The following MAP2K3 variants were observed in gnomAD, a reference collection of about 807,000 sequenced individuals.
The protein encoded by MAP2K3 is mitogen-activated protein kinase kinase 3.
Under a neutral mutation model 46.4 loss-of-function variants are expected in MAP2K3, and 30 were observed. The observed-to-expected ratio is 0.65, with a 90% confidence interval of 0.48 to 0.88. MAP2K3 has a LOEUF of 0.88. Ranked by LOEUF, MAP2K3 falls within the 40% of genes least tolerant of loss-of-function variation. The pLI, the probability that MAP2K3 is intolerant of heterozygous loss-of-function variation, is 0.00. For missense variants in MAP2K3, 380 were observed against 464.5 expected (o/e 0.82, Z 1.67); for synonymous variants, 189 against 176.3 (o/e 1.07, Z -0.57).
chr17:21,301,831 G>A (rs1173980697), intron 5 of MAP2K3, among the ~76,000 whole-genome samples: 1 of 152,306 alleles, frequency 6.6e-6, no homozygotes, highest in African/African-American at 2.4e-5. Flanking sequence ...TGGAGCTGGT[G>A]CAGGTGCATC....
At chr17:21,303,335 G>T in intron 7 of MAP2K3, 101 bp downstream of exon 7, 1 of 1,511,884 alleles carries the variant, frequency 6.6e-7, no homozygotes, top group Non-Finnish European at 9.0e-7. Flanking sequence ...GCTCCGAGAG[G>T]TGATAGGTTG....
chr17:21,313,322 T>G (rs1977251146), intron 10 of MAP2K3, among the ~76,000 whole-genome samples, 170 bp from the exon 11 acceptor site: 1 of 152,188 alleles, frequency 6.6e-6, no homozygotes, highest in African/African-American at 2.4e-5. Context: ...TTTGCTCCTA[T>G]GAATGCCCCT....
intron 5 of MAP2K3, among the ~76,000 whole-genome samples, chr17:21,301,658 C>T (rs1444434059): frequency 6.6e-6 from 1 of 152,312 alleles, no homozygotes; most frequent in Non-Finnish European, 1.5e-5. Flanking sequence ...GATGGGGCCC[C>T]TGCAGCCTGC....
intron 1 of MAP2K3, among the ~76,000 whole-genome samples, chr17:21,293,503 T>G (rs1242332908): frequency 6.6e-6 from 1 of 152,310 alleles, no homozygotes; most frequent in African/African-American, 2.4e-5. Flanking sequence ...CACCGGATGT[T>G]AGGGGTGCTC....
chr17:21,314,471 A>G lies in MAP2K3; in HGVS notation c.*241A>G. The stretch of plus-strand genomic sequence containing the variant: ...ACCAGTGCCTCTCCCTGCTGCTCCT[A>G]GGACCCGTCTCCAGCTGCTGAGATC... On this transcript the variant is annotated 3_prime_UTR_variant, in exon 12 of 12. Coordinates refer to ENST00000342679, the MANE Select transcript of MAP2K3 (RefSeq NM_145109.3). 1.8e-6 allele frequency: 1 copy of G among 547,536 alleles called. No homozygotes were observed. The highest frequency in any genetic ancestry group is 3.3e-6 in the Non-Finnish European group (1 of 303,524). 33.9% of individuals were successfully genotyped at this position (547,536 alleles called of 1,614,324 possible). A position where few individuals can be genotyped will look rare whatever the true frequency, so the allele number is the denominator to read the frequency against.
chr17:21,296,422 T>C (rs1378887132), intron 1 of MAP2K3, among the ~76,000 whole-genome samples: 2 of 152,310 alleles, frequency 1.3e-5, no homozygotes, highest in African/African-American at 4.8e-5. Context: ...CCTGTTAGAA[T>C]GTGCTGAGCC....
intron 1 of MAP2K3, among the ~76,000 whole-genome samples, chr17:21,290,468 G>C (rs865936138): frequency 6.6e-6 from 1 of 152,310 alleles, no homozygotes; most frequent in African/African-American, 2.4e-5. Flanking sequence ...GGGAAAGTCT[G>C]CAGGGACTTC....
At chr17:21,294,606 CCTCT>C (rs1438394628) in intron 1 of MAP2K3, among the ~76,000 whole-genome samples, 4 of 152,310 alleles carry the variant, frequency 2.6e-5, no homozygotes, top group African/African-American at 9.6e-5. Context: ...CACCGTGTGG[CCTCT>C]CTAAGTCACC....
intron 1 of MAP2K3, chr17:21,291,407 G>A (rs1290413619): frequency 1.8e-5 from 8 of 451,492 alleles, no homozygotes; most frequent in Admixed American, 7.1e-5. Flanking sequence ...CACAGATGGC[G>A]TTTGTTCAGG....
intron 3 of MAP2K3, 84 bp downstream of exon 3, chr17:21,299,010 G>A: frequency 6.3e-7 from 1 of 1,587,320 alleles, no homozygotes. Context: ...CACTTTGGGG[G>A]GAGGTGACTG....
intron 1 of MAP2K3, among the ~76,000 whole-genome samples, chr17:21,294,046 C>A (rs1246305132): frequency 6.6e-6 from 1 of 152,310 alleles, no homozygotes; most frequent in Non-Finnish European, 1.5e-5. Flanking sequence ...AGGTCGCAGC[C>A]AAACACATCC....
In MAP2K3 at chr17:21,296,259, G is replaced by A. The variant is rs920893042; in HGVS notation, c.50-2154G>A. ...CTGTTTTGTACATGAGGAACCCAAG[G>A]TGCAGAGGAGGGCACCATGCCAGGG... On this transcript the variant is annotated intron_variant, in intron 1 of 11. Transcript: ENST00000342679. 45 of 1,169,912 alleles carry A rather than the reference G, an allele frequency of 3.8e-5. No homozygotes were observed. In the East Asian group the frequency reaches 2.5e-3, roughly 64 times the overall value. The allele number at this position is 1,169,912 out of a possible 1,614,324, so 72.5% of individuals were successfully genotyped here. A position where few individuals can be genotyped will look rare whatever the true frequency, so the allele number is the denominator to read the frequency against.
At chr17:21,299,681 C>CAA (rs68190120) in intron 3 of MAP2K3, among the ~76,000 whole-genome samples, 4 of 132,972 alleles carry the variant, frequency 3.0e-5, no homozygotes, top group East Asian at 2.2e-4. Flanking sequence ...GACCCCGTTT[C>CAA]AAAAAAAAAA....
chr17:21,312,129 G>T lies in MAP2K3; in HGVS notation c.775-13G>T, dbSNP rs778437382. 4 of 1,521,962 alleles carry T rather than the reference G, an allele frequency of 2.6e-6. No individual in the cohort carries two copies. The highest frequency in any genetic ancestry group is 3.5e-6 in the Non-Finnish European group (4 of 1,137,716). The allele number at this position is 1,521,962 out of a possible 1,614,324, so 94.3% of individuals were successfully genotyped here. A position where few individuals can be genotyped will look rare whatever the true frequency, so the allele number is the denominator to read the frequency against. Reference sequence around the variant, plus strand: ...CTGGGGCCGGGGCCTCTGACCCCCTGTCCCCGCTGCAGATTGAGATGGCCA... The same window carrying T: ...CTGGGGCCGGGGCCTCTGACCCCCTTTCCCCGCTGCAGATTGAGATGGCCA... On this transcript the variant is annotated splice_polypyrimidine_tract_variant and intron_variant, in intron 9 of 11. Coordinates refer to ENST00000342679, the MANE Select transcript of MAP2K3 (RefSeq NM_145109.3).
intron 1 of MAP2K3, among the ~76,000 whole-genome samples, chr17:21,297,054 G>A (rs1006074714): frequency 1.3e-5 from 2 of 152,310 alleles, no homozygotes; most frequent in Non-Finnish European, 2.9e-5. Context: ...ACCTGCCCCA[G>A]GATGGACCCT....
intron 1 of MAP2K3, among the ~76,000 whole-genome samples, chr17:21,296,771 C>A (rs939934342): frequency 6.6e-6 from 1 of 152,306 alleles, no homozygotes; most frequent in East Asian, 1.9e-4. Context: ...GAGACCCATG[C>A]GGTCCCTGAC....
intron 1 of MAP2K3, among the ~76,000 whole-genome samples, chr17:21,287,329 A>T (rs891710199): frequency 6.6e-6 from 1 of 152,226 alleles, no homozygotes; most frequent in Non-Finnish European, 1.5e-5. Flanking sequence ...CAGATGCAGA[A>T]CTCAGCTTGG....
At chr17:21,306,867 C>T (rs1260891072) in intron 9 of MAP2K3, among the ~76,000 whole-genome samples, 2 of 152,308 alleles carry the variant, frequency 1.3e-5, no homozygotes, top group Non-Finnish European at 2.9e-5. Flanking sequence ...CTCACTGCAG[C>T]CTTGAACTCC....
At chr17:21,303,297 G>A in intron 7 of MAP2K3, 63 bp downstream of exon 7, 7 of 1,609,244 alleles carry the variant, frequency 4.3e-6, no homozygotes, top group Non-Finnish European at 5.1e-6. Flanking sequence ...GGCCAAGGCG[G>A]GTGGACGTCT....
Sources: allele counts gnomAD v4.1 joint callset (sites outside exome capture counted in the v4.1 genomes callset), GRCh38; gene constraint gnomAD v4.1.1; transcripts MANE v1.5; gene names NCBI Gene and HGNC (gene_info 2026-07-23, HGNC 2026-07-21).